The following FNDC3A variants were observed in gnomAD, a reference collection of about 807,000 sequenced individuals.
FNDC3A encodes the protein fibronectin type III domain containing 3A, also known as fibronectin type-III domain-containing protein 3A.
In FNDC3A, 32 loss-of-function variants were observed where a neutral mutation model predicts 148.9. The observed-to-expected ratio is 0.21, with a 90% CI of 0.16 to 0.29. The LOEUF is 0.29. Among genes scored for constraint, FNDC3A ranks in the 10% least tolerant of loss-of-function variants. FNDC3A has a pLI of 1.00. For missense variants in FNDC3A, 1,191 were observed against 1,452.8 expected (o/e 0.82, Z 2.93); for synonymous variants, 472 against 473.6 (o/e 1.00, Z 0.04).
chr13:49,175,057 T>G (rs1056193768), intron 12 of FNDC3A, among the ~76,000 whole-genome samples: 5 of 152,216 alleles, frequency 3.3e-5, no homozygotes, highest in African/African-American at 1.2e-4. Context: ...GTTTAAAAGT[T>G]ACAACATTTA....
intron 4 of FNDC3A, among the ~76,000 whole-genome samples, chr13:49,127,215 T>A (rs7338529): frequency 0.6 from 91,463 of 152,090 alleles, 28,544 homozygotes; most frequent in Non-Finnish European, 0.68. Flanking sequence ...TGTTATCAAT[T>A]TCTTGTTCTC....
chr13:49,030,231 G>A (rs1161295094), intron 2 of FNDC3A, among the ~76,000 whole-genome samples: 17 of 152,160 alleles, frequency 1.1e-4, no homozygotes, highest in Admixed American at 1.1e-3. Context: ...GAATGTTGAA[G>A]TTGGTTCAAC....
intron 4 of FNDC3A, among the ~76,000 whole-genome samples, chr13:49,116,176 TC>T (rs1880945434): frequency 1.3e-5 from 2 of 152,330 alleles, no homozygotes; most frequent in South Asian, 4.1e-4. Context: ...CAAACTCCTA[TC>T]CTTTTCATTT....
At chr13:49,203,314 C>T (rs1258974743) in intron 25 of FNDC3A, 30 bp downstream of exon 25, 1 of 1,521,986 alleles carries the variant, frequency 6.6e-7, no homozygotes, top group East Asian at 2.3e-5. Context: ...TGTGTGGATG[C>T]ATATTTTTAC....
At chr13:49,023,529 A>G (rs1232510222) in intron 2 of FNDC3A, among the ~76,000 whole-genome samples, 2 of 151,868 alleles carry the variant, frequency 1.3e-5, no homozygotes, top group Non-Finnish European at 2.9e-5. Flanking sequence ...GAAATGAAAC[A>G]TAATGGTCCT....
intron 1 of FNDC3A, among the ~76,000 whole-genome samples, chr13:48,981,706 T>A (rs1951697309): frequency 6.6e-6 from 1 of 152,114 alleles, no homozygotes; most frequent in Non-Finnish European, 1.5e-5. Context: ...CTTCTTGAGA[T>A]CTCTTATGTG....
chr13:48,984,849 T>C (rs1951759233), intron 1 of FNDC3A, among the ~76,000 whole-genome samples: 1 of 152,058 alleles, frequency 6.6e-6, no homozygotes, highest in Non-Finnish European at 1.5e-5. Context: ...CACGCCCAGC[T>C]AATTTTTGTA....
chr13:49,183,314 T>G (rs1250999085), intron 14 of FNDC3A, among the ~76,000 whole-genome samples: 1 of 152,222 alleles, frequency 6.6e-6, no homozygotes, highest in Non-Finnish European at 1.5e-5. Context: ...TAGGCCTTAG[T>G]AATCTTTGTC....
At chr13:49,177,036 G>A (rs1037120416) in intron 13 of FNDC3A, among the ~76,000 whole-genome samples, 2 of 152,116 alleles carry the variant, frequency 1.3e-5, no homozygotes, top group African/African-American at 2.4e-5. Flanking sequence ...AGGCTCAAGT[G>A]GTCCTCCCAC....
intron 1 of FNDC3A, among the ~76,000 whole-genome samples, chr13:48,977,206 CATT>C (rs889388985): frequency 1.3e-5 from 2 of 151,782 alleles, no homozygotes; most frequent in African/African-American, 2.4e-5. Context: ...GCGGTATAAT[CATT>C]ATGTGTTCAC....
chr13:49,135,333 T>C (rs555724524), intron 5 of FNDC3A, among the ~76,000 whole-genome samples: 1 of 152,322 alleles, frequency 6.6e-6, no homozygotes, highest in African/African-American at 2.4e-5. Context: ...TGTGGTATCC[T>C]TTAGTGCAGA....
chr13:49,062,634 G>T lies in FNDC3A; in HGVS notation c.100-12655G>T, dbSNP rs138586754. On this transcript the variant is annotated intron_variant, in intron 2 of 25. Transcript: ENST00000492622. ...TATCTTGCAGACTTCTGCTTGTCTC[G>T]CTGAATTCTGTGTAGTTTATCATTT... Among the ~76,000 whole-genome samples the T allele has an allele frequency of 8.4e-3, 1,276 of 152,060 alleles. 11 individuals are homozygous for T. Among genetic ancestry groups the T allele is most frequent in the Non-Finnish European group, 0.014 (934 of 67,994 alleles).
In FNDC3A at chr13:49,141,652, CTT is replaced by C. The variant is rs572751800; in HGVS notation, c.819+2850_819+2851del. Among the ~76,000 whole-genome samples, 15 of 152,256 alleles carry C rather than the reference CTT, an allele frequency of 9.9e-5. No individual in the cohort carries two copies. In the South Asian group the frequency reaches 2.9e-3, roughly 29 times the overall value. ...CATGTAATATATATGGCTTTGAACT[CTT>C]TTAACAGTTTAGCTTCCTAGATATA... On this transcript the variant is annotated intron_variant, in intron 7 of 25. Coordinates refer to ENST00000492622, the MANE Select transcript of FNDC3A (RefSeq NM_001079673.2).
chr13:49,051,382 C>T (rs371651739), intron 2 of FNDC3A, among the ~76,000 whole-genome samples: 8 of 152,252 alleles, frequency 5.3e-5, no homozygotes, highest in African/African-American at 1.9e-4. Context: ...AATGAATTCT[C>T]TCAGCATTTG....
chr13:48,992,338 AAG>A (rs1209453786), intron 1 of FNDC3A, among the ~76,000 whole-genome samples: 1 of 152,224 alleles, frequency 6.6e-6, no homozygotes, highest in Non-Finnish European at 1.5e-5. Context: ...AGACATTGGT[AAG>A]AGAATATAAA....
In FNDC3A at chr13:49,110,239, G is replaced by T. The variant is rs149375892; in HGVS notation, c.176-4416G>T. ...CCCCCTTGCCCTTTCCTGGGTCACT[G>T]CAGGTCACGTGATGACTGTCACGTG... On this transcript the variant is annotated intron_variant, in intron 3 of 25. Transcript: ENST00000492622. 66 of 921,046 alleles carry T rather than the reference G, an allele frequency of 7.2e-5. No homozygotes were observed. The African/African-American group carries it at 9.0e-4, about 13-fold the overall frequency. 57.1% of individuals were successfully genotyped at this position (921,046 alleles called of 1,614,324 possible). A position where few individuals can be genotyped will look rare whatever the true frequency, so the allele number is the denominator to read the frequency against.
In FNDC3A at chr13:49,023,362, A is replaced by G. The variant is rs1873467552; in HGVS notation, c.99+17073A>G. Among the ~76,000 whole-genome samples, 4 of 151,946 alleles carry G rather than the reference A, an allele frequency of 2.6e-5. No homozygotes were observed. The South Asian group carries it at 8.3e-4, about 31-fold the overall frequency. Reference sequence around the variant, plus strand: ...AAAAATTATTTCATTTTAAAAGTGGACAGTAAAATACTTTCATGTAATTCA... The same window carrying G: ...AAAAATTATTTCATTTTAAAAGTGGGCAGTAAAATACTTTCATGTAATTCA... On this transcript the variant is annotated intron_variant, in intron 2 of 25. Coordinates refer to ENST00000492622, the MANE Select transcript of FNDC3A (RefSeq NM_001079673.2).
intron 2 of FNDC3A, among the ~76,000 whole-genome samples, chr13:49,047,258 C>T (rs375313528): frequency 2.0e-5 from 3 of 151,778 alleles, no homozygotes; most frequent in South Asian, 2.1e-4. Flanking sequence ...TTTGCAGTTG[C>T]GAATTGTGCT....
At chr13:49,131,076 A>AT (rs1881999860) in intron 4 of FNDC3A, 61 bp from the exon 5 acceptor site, 17 of 1,395,426 alleles carry the variant, frequency 1.2e-5, no homozygotes, top group Middle Eastern at 1.8e-4. Flanking sequence ...TACTCTTAAC[A>AT]TTTTTAAAAG....
Sources: allele counts gnomAD v4.1 joint callset (sites outside exome capture counted in the v4.1 genomes callset), GRCh38; gene constraint gnomAD v4.1.1; transcripts MANE v1.5; gene names NCBI Gene and HGNC (gene_info 2026-07-23, HGNC 2026-07-21).